KCNH1: variants seen among roughly 807,000 people sequenced by gnomAD.
The protein encoded by KCNH1 is potassium voltage-gated channel subfamily H member 1.
In KCNH1, 27 loss-of-function variants were observed where a neutral mutation model predicts 69.2. That is an observed-to-expected ratio of 0.39 (90% CI 0.29 to 0.54). The LOEUF (loss-of-function observed/expected upper bound fraction) is 0.54, where lower values mean the gene tolerates loss of function less well. KCNH1 is among the 20% of genes least tolerant of loss of function. The pLI is 0.68. For missense variants in KCNH1, 798 were observed against 1,261.6 expected (o/e 0.63, Z 5.57); for synonymous variants, 456 against 487.7 (o/e 0.93, Z 0.86).
intron 5 of KCNH1, among the ~76,000 whole-genome samples, chr1:211,066,291 T>G (rs1034901075): frequency 2.0e-5 from 3 of 152,192 alleles, no homozygotes; most frequent in Admixed American, 6.5e-5. Flanking sequence ...TAATACTTGT[T>G]GAAGATTTAT....
At chr1:210,901,433 G>T (rs1418736284) in intron 7 of KCNH1, among the ~76,000 whole-genome samples, 16 of 152,186 alleles carry the variant, frequency 1.1e-4, no homozygotes, top group Admixed American at 9.2e-4. Flanking sequence ...CATGGCAGTG[G>T]GTGGTCAGGT....
chr1:210,916,836 G>A (rs1003216951), intron 7 of KCNH1, among the ~76,000 whole-genome samples: 1 of 152,000 alleles, frequency 6.6e-6, no homozygotes, highest in African/African-American at 2.4e-5. Context: ...GTGACTACCC[G>A]TGTATTTTAC....
At chr1:210,755,006 A>G (rs1683366210) in intron 10 of KCNH1, among the ~76,000 whole-genome samples, 1 of 152,202 alleles carries the variant, frequency 6.6e-6, no homozygotes, top group Non-Finnish European at 1.5e-5. Flanking sequence ...ACAAGTGCAA[A>G]CAGGGCCTGC....
chr1:210,859,848 G>T, intron 7 of KCNH1: 2 of 1,130,934 alleles, frequency 1.8e-6, no homozygotes, highest in Non-Finnish European at 2.7e-6. Context: ...ATTTGTAACT[G>T]GTTCAACATT....
intron 7 of KCNH1, among the ~76,000 whole-genome samples, chr1:210,807,154 G>A (rs185595613): frequency 6.6e-6 from 1 of 151,976 alleles, no homozygotes; most frequent in African/African-American, 2.4e-5. Context: ...ATAGTTCTGT[G>A]TCATTTTATC....
intron 2 of KCNH1, among the ~76,000 whole-genome samples, chr1:211,104,075 T>C (rs1287463723): frequency 6.6e-6 from 1 of 152,236 alleles, no homozygotes; most frequent in Non-Finnish European, 1.5e-5. Flanking sequence ...GACAGTCAGA[T>C]TAATTCCAGA....
Position 210,802,622 on chromosome 1 carries a change from A to G in KCNH1, c.1662+1345T>C, listed in dbSNP as rs181126188. ...ACTGTATGTTTTCTCTATTATTTCC[A>G]GTACCACCAAATTTTCATTACTCTA... On this transcript the variant is annotated intron_variant, in intron 8 of 10. Transcript: ENST00000271751. Among the ~76,000 whole-genome samples, 16 of 152,360 alleles carry G rather than the reference A, an allele frequency of 1.1e-4. No homozygotes were observed. In the East Asian group the frequency reaches 2.7e-3, roughly 26 times the overall value.
chr1:210,683,606 C>T lies in KCNH1; in HGVS notation c.2645G>A (p.Ser882Asn). 2 of 1,614,222 alleles carry T rather than the reference C, an allele frequency of 1.2e-6. No homozygotes were observed. Among genetic ancestry groups the T allele is most frequent in the Non-Finnish European group, 1.7e-6 (2 of 1,180,046 alleles). ...ATLKKTDSCD[S>N]GITKSDLRLD... ...GCGCAAGTCGCTCTTGGTGATGCCA[C>T]TGTCACACGAGTCTGTCTTCTTCAG... Residue 882 changes from serine to asparagine, a missense_variant, in exon 11 of 11, where the codon AGT (serine) becomes AAT (asparagine). Transcript: ENST00000271751. This position sits in a 1 kb window ranked among gnomAD's most constrained non-coding sequence, Gnocchi z 5.7.
At chr1:210,684,441 G>C (rs1444726386) in intron 10 of KCNH1, among the ~76,000 whole-genome samples, 1 of 152,170 alleles carries the variant, frequency 6.6e-6, no homozygotes, top group African/African-American at 2.4e-5. Flanking sequence ...AGAATCCAAA[G>C]AGCATCTTCC....
Position 211,019,019 on chromosome 1 carries a change from C to A in KCNH1, c.796G>T (p.Val266Leu). Residue 266 changes from valine to leucine, a missense_variant, in exon 6 of 11, where the codon GTG becomes TTG. Physicochemically the swap from Val to Leu is conservative, Grantham distance 32 (BLOSUM62 1). Around this residue, in one of 4 missense-constraint regions of KCNH1, gnomAD observed 266 missense variants for 457.2 expected, o/e 0.58. Transcript: ENST00000271751. ...IVDVIFLVDI[V>L]LNFHTTFVGP... ...ACAAAGGTGGTATGAAAATTGAGCA[C>A]AATGTCCACCAAAAAGATAACATCC... 1 of 1,614,048 alleles carries A rather than the reference C, an allele frequency of 6.2e-7. No individual in the cohort carries two copies. The highest frequency in any genetic ancestry group is 8.5e-7 in the Non-Finnish European group (1 of 1,179,988).
intron 10 of KCNH1, among the ~76,000 whole-genome samples, chr1:210,732,515 A>G (rs1295247491): frequency 1.3e-5 from 2 of 152,192 alleles, no homozygotes; most frequent in East Asian, 3.9e-4. Context: ...TCATGACTCA[A>G]GGCAGAGGCT....
chr1:210,908,200 C>G (rs148479665), intron 7 of KCNH1, among the ~76,000 whole-genome samples: 2 of 152,298 alleles, frequency 1.3e-5, no homozygotes, highest in African/African-American at 4.8e-5. Flanking sequence ...AATTATCCAT[C>G]TGTTCTCACA....
At chr1:211,043,848 C>A (rs561448561) in intron 5 of KCNH1, among the ~76,000 whole-genome samples, 1 of 152,160 alleles carries the variant, frequency 6.6e-6, no homozygotes, top group Non-Finnish European at 1.5e-5. Flanking sequence ...ATCATATGAC[C>A]ATCTCAACAG....
At chr1:210,946,188 T>C (rs1360632879) in intron 6 of KCNH1, among the ~76,000 whole-genome samples, 5 of 152,228 alleles carry the variant, frequency 3.3e-5, no homozygotes, top group African/African-American at 1.2e-4. Context: ...GGTGAGACTT[T>C]ATAGCTCCTG....
intron 10 of KCNH1, among the ~76,000 whole-genome samples, chr1:210,725,523 C>A (rs528508555): frequency 8.3e-4 from 127 of 152,262 alleles, no homozygotes; most frequent in African/African-American, 3.0e-3. Context: ...ATGGCTCTCT[C>A]AACTCAGTCT....
intron 1 of KCNH1, among the ~76,000 whole-genome samples, chr1:211,123,933 G>C (rs1691733404): frequency 6.6e-6 from 1 of 152,112 alleles, no homozygotes; most frequent in Non-Finnish European, 1.5e-5. Context: ...TGGGAAGCTG[G>C]AGGGGAGGAG....
intron 7 of KCNH1, among the ~76,000 whole-genome samples, chr1:210,845,067 G>C (rs574095409): frequency 1.8e-3 from 274 of 152,270 alleles, no homozygotes; most frequent in African/African-American, 6.2e-3. Flanking sequence ...AACCGGCTCT[G>C]AAATTGAGGC....
chr1:210,993,156 T>C (rs1249451867), intron 6 of KCNH1, among the ~76,000 whole-genome samples: 1 of 152,204 alleles, frequency 6.6e-6, no homozygotes, highest in Non-Finnish European at 1.5e-5. Context: ...ATTAGAAATA[T>C]GTACACTATT....
chr1:210,903,833 C>T (rs977812748), intron 7 of KCNH1, among the ~76,000 whole-genome samples: 3 of 152,172 alleles, frequency 2.0e-5, no homozygotes, highest in Admixed American at 1.3e-4. Flanking sequence ...TACCTATCAT[C>T]AGGTGGTAAA....
Sources: allele counts gnomAD v4.1 joint callset (sites outside exome capture counted in the v4.1 genomes callset), GRCh38; gene constraint gnomAD v4.1.1; regional missense constraint gnomAD v4.1.1; non-coding constraint Gnocchi (gnomAD v3.1); transcripts MANE v1.5; gene names NCBI Gene and HGNC (gene_info 2026-07-23, HGNC 2026-07-21).